Variants in CHODL observed in about 807,000 individuals in gnomAD.
CHODL encodes chondrolectin.
In CHODL, 29 loss-of-function variants were observed where a neutral mutation model predicts 34.5. The ratio of observed to expected loss-of-function variants is 0.84; its 90% CI spans 0.63 to 1.15. CHODL has a LOEUF of 1.15. Among genes scored for constraint, CHODL ranks in the 50% most tolerant of loss-of-function variants. CHODL has a pLI of 0.00. For missense variants in CHODL, 332 were observed against 332.5 expected, an observed-to-expected ratio of 1.00 and a Z score of 0.01; for synonymous variants, 125 against 116.1, an observed-to-expected ratio of 1.08 and a Z score of -0.49.
chr21:17,965,432 AT>A (rs2063564081), intron 1 of CHODL, among the ~76,000 whole-genome samples: 1 of 151,786 alleles, frequency 6.6e-6, no homozygotes, highest in Admixed American at 6.6e-5. Flanking sequence ...TGCTTCCTTC[AT>A]TCCTTCCATC....
intron 2 of CHODL, among the ~76,000 whole-genome samples, chr21:18,120,862 C>G (rs776835710): frequency 6.6e-6 from 1 of 151,974 alleles, no homozygotes; most frequent in Non-Finnish European, 1.5e-5. Context: ...TCCATGTGTA[C>G]TCACATCCCA....
intron 1 of CHODL, among the ~76,000 whole-genome samples, chr21:17,999,466 T>G (rs1479136187): frequency 6.6e-6 from 1 of 152,212 alleles, no homozygotes; most frequent in African/African-American, 2.4e-5. Flanking sequence ...TTTACTGTAT[T>G]AGTTTGTCTT....
rs147655570 is a variant in CHODL, at chr21:18,173,981, A to G, written c.-44-82528A>G. On this transcript the variant is annotated intron_variant, in intron 2 of 6. Transcript: ENST00000400127. Reference sequence around the variant, plus strand: ...ATTTATCCCTGATAAAAATTTTAAAAACGAGTTTCTAAAATGAAATGCCAA... The same window carrying G: ...ATTTATCCCTGATAAAAATTTTAAAGACGAGTTTCTAAAATGAAATGCCAA... 2.1e-3 allele frequency among the ~76,000 whole-genome samples: 313 copies of G among 151,042 alleles called. 1 individual carries two copies. Among genetic ancestry groups the G allele is most frequent in the Admixed American group, 4.4e-3 (66 of 15,116 alleles).
At chr21:18,087,340 G>A (rs1157612818) in intron 2 of CHODL, among the ~76,000 whole-genome samples, 3 of 152,180 alleles carry the variant, frequency 2.0e-5, no homozygotes, top group Admixed American at 2.0e-4. Flanking sequence ...TGGCTGGGTG[G>A]TGGCTGCTGC....
chr21:18,214,421 C>T (rs908243284), intron 2 of CHODL, among the ~76,000 whole-genome samples: 8 of 152,064 alleles, frequency 5.3e-5, no homozygotes, highest in East Asian at 1.9e-4. Context: ...ATCTTTCAAT[C>T]GCTCTAGCAC....
In CHODL at chr21:18,024,004, G is replaced by C. The variant is rs959826543; in HGVS notation, c.-144-3868G>C. Among the ~76,000 whole-genome samples the C allele has an allele frequency of 2.6e-5, 4 of 152,270 alleles. No individual in the cohort carries two copies. In the South Asian group the frequency reaches 6.2e-4, roughly 24 times the overall value. Reference sequence around the variant, plus strand: ...AGAATAACTTTGGTTGACTTACACTGTTTTTACAATGTATTTGTTTACTGT... The same window carrying C: ...AGAATAACTTTGGTTGACTTACACTCTTTTTACAATGTATTTGTTTACTGT... On this transcript the variant is annotated intron_variant, in intron 1 of 6. Transcript: ENST00000400127.
At chr21:17,952,194 C>CA (rs58511535) in intron 1 of CHODL, among the ~76,000 whole-genome samples, 1,321 of 80,284 alleles carry the variant, frequency 0.016, 67 homozygotes, top group African/African-American at 0.054. Flanking sequence ...TACTATGTCT[C>CA]AAAAAAAAAA....
intron 2 of CHODL, among the ~76,000 whole-genome samples, chr21:18,084,677 A>C (rs1195634650): frequency 6.6e-6 from 1 of 152,202 alleles, no homozygotes; most frequent in Admixed American, 6.5e-5. Context: ...GACTTGTTTT[A>C]TGGCCTAATA....
intron 2 of CHODL, among the ~76,000 whole-genome samples, chr21:18,143,215 C>G (rs1481719103): frequency 1.3e-5 from 2 of 152,084 alleles, no homozygotes; most frequent in East Asian, 3.8e-4. Context: ...AGGTTAAGCA[C>G]CATAAATTAA....
chr21:17,975,031 A>G (rs918158577), intron 1 of CHODL, among the ~76,000 whole-genome samples: 1 of 151,904 alleles, frequency 6.6e-6, no homozygotes, highest in African/African-American at 2.4e-5. Flanking sequence ...GTTGCGTTTA[A>G]AAAGACCAGT....
chr21:18,156,483 TA>T (rs1407557138), intron 2 of CHODL, among the ~76,000 whole-genome samples: 1 of 152,136 alleles, frequency 6.6e-6, no homozygotes, highest in Non-Finnish European at 1.5e-5. Context: ...ATTAACGTTT[TA>T]AAAAATAATT....
intron 2 of CHODL, among the ~76,000 whole-genome samples, chr21:18,168,754 T>C (rs895223466): frequency 1.1e-4 from 17 of 152,342 alleles, no homozygotes; most frequent in African/African-American, 3.1e-4. Flanking sequence ...CTTTTGAATC[T>C]ATGCTTTAAT....
intron 1 of CHODL, among the ~76,000 whole-genome samples, chr21:18,009,151 A>AT (rs541319610): frequency 2.0e-5 from 3 of 152,224 alleles, no homozygotes; most frequent in East Asian, 1.9e-4. Context: ...TGTACTTATG[A>AT]TTTTTTTCAT....
chr21:18,155,212 G>A (rs145187180), intron 2 of CHODL, among the ~76,000 whole-genome samples: 1 of 152,254 alleles, frequency 6.6e-6, no homozygotes, highest in African/African-American at 2.4e-5. Context: ...GTTGAAGAAA[G>A]CAAAGTGTCA....
At chr21:18,233,691 T>A (rs78691891) in intron 2 of CHODL, among the ~76,000 whole-genome samples, 1 of 152,004 alleles carries the variant, frequency 6.6e-6, no homozygotes, top group Non-Finnish European at 1.5e-5. Context: ...TTAAAAAAAA[T>A]AAGATAATTT....
intron 2 of CHODL, among the ~76,000 whole-genome samples, chr21:18,202,635 C>A (rs746216785): frequency 5.5e-5 from 7 of 128,432 alleles, no homozygotes; most frequent in African/African-American, 2.2e-4. Context: ...GTTGTTTAAG[C>A]CATCCAGTCT....
chr21:18,049,857 T>A (rs1354755658), intron 2 of CHODL, among the ~76,000 whole-genome samples: 2 of 151,978 alleles, frequency 1.3e-5, no homozygotes, highest in Admixed American at 1.3e-4. Flanking sequence ...AACACATGAA[T>A]TTTTTGGGAA....
intron 1 of CHODL, among the ~76,000 whole-genome samples, chr21:17,982,877 A>AC (rs572976879): frequency 0.017 from 2,404 of 144,016 alleles, 57 homozygotes; most frequent in African/African-American, 0.056. Flanking sequence ...ACTCCCTCCA[A>AC]CCCCCCCCAG....
At chr21:18,005,362 A>G (rs1411292043) in intron 1 of CHODL, among the ~76,000 whole-genome samples, 2 of 152,246 alleles carry the variant, frequency 1.3e-5, no homozygotes, top group Non-Finnish European at 2.9e-5. Flanking sequence ...TAAGTGCTAT[A>G]AAAGTGTTTG....
Sources: gnomAD v4.1 joint callset for allele counts (sites outside exome capture counted in the v4.1 genomes callset) on GRCh38, gnomAD v4.1.1 for gene constraint, MANE v1.5 for transcripts, NCBI Gene and HGNC (gene_info 2026-07-23, HGNC 2026-07-21) for gene names.